WASHC2A: variants seen among roughly 807,000 people sequenced by gnomAD.
The protein encoded by WASHC2A is WASH complex subunit 2A.
A neutral mutation model predicts 140.3 loss-of-function variants in WASHC2A; 82 were observed. That is an observed-to-expected ratio of 0.58 (90% confidence interval 0.49 to 0.70). The LOEUF is 0.70. Among genes scored for constraint, WASHC2A ranks in the 30% least tolerant of loss-of-function variants. WASHC2A has a pLI of 0.00. For missense variants in WASHC2A, 985 were observed against 1,521.8 expected (o/e 0.65, Z 5.87); for synonymous variants, 340 against 560.8 (o/e 0.61, Z 5.56).
chr10:50,069,659 A>C lies in WASHC2A; in HGVS notation c.239A>C (p.His80Pro). The C allele has an allele frequency of 6.2e-7, 1 of 1,614,026 alleles. No individual in the cohort carries two copies. Among genetic ancestry groups the C allele is most frequent in the Middle Eastern group, 1.7e-4 (1 of 6,056 alleles). Reference protein sequence around the residue: ...RETKATDCRLHNVFNDFLMLS... With the variant: ...RETKATDCRLPNVFNDFLMLS... ...ACCAAAGCCACAGATTGTCGCCTGC[A>C]TAATGTCTTCAATGACTTCCTTATG... is the stretch of plus-strand genomic sequence containing the variant. The change falls in exon 3 of 31, where the codon CAT becomes CCT. Residue 80 changes from histidine to proline, a missense_variant. By Grantham distance (77) the His-to-Pro change is moderately conservative. Transcript: ENST00000282633.
At chr10:50,087,550 T>G (rs1304260094) in intron 8 of WASHC2A, among the ~76,000 whole-genome samples, 2 of 152,064 alleles carry the variant, frequency 1.3e-5, no homozygotes, top group Non-Finnish European at 2.9e-5. Flanking sequence ...TTCAAAGAAG[T>G]GAAAAACACA....
chr10:50,127,346 C>A (rs1843525307), intron 27 of WASHC2A, 124 bp downstream of exon 27: 1 of 1,576,744 alleles, frequency 6.3e-7, no homozygotes, highest in Non-Finnish European at 8.7e-7. Flanking sequence ...CCCTCCCCTG[C>A]ACCTAGTTGT....
intron 3 of WASHC2A, among the ~76,000 whole-genome samples, chr10:50,071,835 A>G (rs1299576947): frequency 7.1e-6 from 1 of 141,268 alleles, no homozygotes; most frequent in Non-Finnish European, 1.5e-5. Context: ...TGTTTTGGTA[A>G]TTGTTCTTTA....
chr10:50,087,377 A>G (rs1198265367), intron 8 of WASHC2A, 55 bp downstream of exon 8: 669 of 1,605,078 alleles, frequency 4.2e-4, no homozygotes, highest in Non-Finnish European at 5.3e-4. Context: ...GAAGCATAGT[A>G]TATATACTAA....
chr10:50,069,591 G>A lies in WASHC2A; in HGVS notation c.171G>A (p.Arg57=), dbSNP rs782807395. Residue 57 remains arginine (R), a synonymous_variant, in exon 3 of 31, where the codon AGG becomes AGA. Transcript: ENST00000282633. ...AATTCTCACAGCAAACTATCTCTAGGACCCATGAAATCAAGAAACAAGTGG... is the reference window on the plus strand; with the variant it reads ...AATTCTCACAGCAAACTATCTCTAGAACCCATGAAATCAAGAAACAAGTGG... The part of the protein sequence containing the change: ...LQEFSQQTIS[R]THEIKKQVDG... The A allele has an allele frequency of 6.2e-7, 1 of 1,613,796 alleles. No homozygotes were observed. Among genetic ancestry groups the A allele is most frequent in the Non-Finnish European group, 8.5e-7 (1 of 1,179,836 alleles).
intron 8 of WASHC2A, among the ~76,000 whole-genome samples, chr10:50,089,570 A>C (rs1256746589): frequency 6.6e-6 from 1 of 152,126 alleles, no homozygotes; most frequent in Non-Finnish European, 1.5e-5. Context: ...TTCTGGGAGC[A>C]TGTCATTCCA....
intron 23 of WASHC2A, among the ~76,000 whole-genome samples, chr10:50,121,296 A>G (rs1182527657): frequency 6.6e-6 from 1 of 150,460 alleles, no homozygotes; most frequent in Non-Finnish European, 1.5e-5. Flanking sequence ...AAAGTCATTA[A>G]GATTGAAGGA....
intron 17 of WASHC2A, among the ~76,000 whole-genome samples, chr10:50,101,053 G>A (rs1354877818): frequency 6.6e-6 from 1 of 152,310 alleles, no homozygotes; most frequent in Admixed American, 6.5e-5. Flanking sequence ...GTCATGGTTG[G>A]GCTTTGCACT....
In WASHC2A at chr10:50,106,350, G is replaced by C; in HGVS notation, c.1754G>C (p.Gly585Ala). 2 of 1,611,714 alleles carry C rather than the reference G, an allele frequency of 1.2e-6. No individual in the cohort carries two copies. Among genetic ancestry groups the C allele is most frequent in the South Asian group, 2.2e-5 (2 of 90,966 alleles). The change falls in exon 19 of 31, where the codon GGT becomes GCT. Residue 585 changes from glycine to alanine, a missense_variant. Physicochemically the swap from Gly to Ala is moderately conservative, Grantham distance 60. Coordinates refer to ENST00000282633, the MANE Select transcript of WASHC2A (RefSeq NM_001005751.3). ...CTTTTCTAGGATAATCTTTTTGGGG[G>C]TACAGCTGCTAAGAAGCAGACATTG... ...DEDEEDNLFG[G>A]TAAKKQTLCL...
intron 13 of WASHC2A, 122 bp from the exon 14 acceptor site, chr10:50,095,026 G>A: frequency 6.4e-7 from 1 of 1,568,336 alleles, no homozygotes; most frequent in Non-Finnish European, 8.7e-7. Context: ...ACTTGTTCAG[G>A]AAAAAGTGGT....
chr10:50,123,119 G>A (rs1191407911), intron 23 of WASHC2A, among the ~76,000 whole-genome samples: 2 of 131,726 alleles, frequency 1.5e-5, no homozygotes, highest in Admixed American at 1.6e-4. Context: ...GTAAGGATGT[G>A]GATAAATGGA....
chr10:50,094,979 A>T (rs564462348), intron 13 of WASHC2A, among the ~76,000 whole-genome samples, 169 bp from the exon 14 acceptor site: 79 of 152,274 alleles, frequency 5.2e-4, no homozygotes, highest in Admixed American at 1.5e-3. Context: ...AAGTCCTGAC[A>T]TCGGTAGAGA....
rs1157503734 is a variant in WASHC2A at position 50,106,108 on chromosome 10, T to G, written c.1738-226T>G. ...TTTGCATGTTGTTCTCCTGCTTATA[T>G]GCAGCTGTTCTGCCTTCGAGTTCTA... On this transcript the variant is annotated intron_variant, in intron 18 of 30. Coordinates refer to ENST00000282633, the MANE Select transcript of WASHC2A (RefSeq NM_001005751.3). Among the ~76,000 whole-genome samples, 11 of 150,996 alleles carry G rather than the reference T, an allele frequency of 7.3e-5. No homozygotes were observed. The South Asian group carries it at 2.1e-3, about 29-fold the overall frequency.
chr10:50,088,174 A>C (rs1265920476), intron 8 of WASHC2A, among the ~76,000 whole-genome samples: 6 of 150,846 alleles, frequency 4.0e-5, no homozygotes, highest in Admixed American at 6.7e-5. Flanking sequence ...ACTTTTAAAC[A>C]TACTGAGTAT....
intron 11 of WASHC2A, among the ~76,000 whole-genome samples, 199 bp downstream of exon 11, chr10:50,092,432 C>T (rs1236778302): frequency 3.3e-5 from 5 of 152,082 alleles, no homozygotes; most frequent in Non-Finnish European, 5.9e-5. Flanking sequence ...CCGAGGCGGG[C>T]GGATCATGAG....
At chr10:50,104,656 T>G (rs1391902406) in intron 18 of WASHC2A, among the ~76,000 whole-genome samples, 34 of 152,096 alleles carry the variant, frequency 2.2e-4, no homozygotes, top group Admixed American at 2.2e-3. Flanking sequence ...CATGCCTGGC[T>G]TCTTGACACA....
intron 5 of WASHC2A, among the ~76,000 whole-genome samples, chr10:50,081,650 T>C (rs2132437912): frequency 6.6e-6 from 1 of 151,048 alleles, no homozygotes; most frequent in Non-Finnish European, 1.5e-5. Context: ...TTTTTTTTTT[T>C]TGAGACGGAG....
In WASHC2A at chr10:50,131,104, C is replaced by G. The variant is rs1224478642; in HGVS notation, c.3886+26C>G. ...GTAAGTTTGGTTTTCTACATCTGAC[C>G]TAGAGAATTCTTACCTTTCTGTCAC... is the stretch of plus-strand genomic sequence containing the variant. On this transcript the variant is annotated intron_variant, in intron 30 of 30. Coordinates refer to ENST00000282633, the MANE Select transcript of WASHC2A (RefSeq NM_001005751.3). 5.6e-6 allele frequency: 9 copies of G among 1,611,938 alleles called. No individual in the cohort carries two copies. In the East Asian group the frequency reaches 2.0e-4, roughly 36 times the overall value.
At chr10:50,110,065 T>G (rs1842148971) in intron 19 of WASHC2A, 36 bp from the exon 20 acceptor site, 2 of 1,583,570 alleles carry the variant, frequency 1.3e-6, no homozygotes, top group African/African-American at 2.7e-5. Flanking sequence ...CCACTGCGCC[T>G]GGCCTGGAGT....
Sources: allele counts gnomAD v4.1 joint callset (sites outside exome capture counted in the v4.1 genomes callset), GRCh38; gene constraint gnomAD v4.1.1; transcripts MANE v1.5; gene names NCBI Gene and HGNC (gene_info 2026-07-23, HGNC 2026-07-21).